Variants in ABCA12 observed in about 807,000 individuals in gnomAD.
The protein encoded by ABCA12 is glucosylceramide transporter ABCA12.
ABCA12 carries 156 observed loss-of-function variants against 293.5 expected under a neutral mutation model. The ratio of observed to expected loss-of-function variants is 0.53; its 90% CI spans 0.47 to 0.61. The LOEUF is 0.61. Ranked by LOEUF, ABCA12 falls within the 20% of genes least tolerant of loss-of-function variation. The pLI, the probability that ABCA12 is intolerant of heterozygous loss-of-function variation, is 0.00. For missense variants in ABCA12, 2,797 were observed against 3,090.2 expected (o/e 0.91, Z 2.25); for synonymous variants, 1,063 against 1,108.0 (o/e 0.96, Z 0.81).
intron 34 of ABCA12, 135 bp from the exon 35 acceptor site, chr2:214,974,999 G>A: frequency 1.3e-6 from 1 of 797,050 alleles, no homozygotes; most frequent in Non-Finnish European, 2.1e-6. Flanking sequence ...GTCTTGCCGT[G>A]TTGCCCAGGC....
chr2:214,987,196 G>T (rs1029455564), intron 27 of ABCA12, among the ~76,000 whole-genome samples: 3 of 152,168 alleles, frequency 2.0e-5, no homozygotes, highest in Non-Finnish European at 4.4e-5. Context: ...ACCGCTTAGT[G>T]GCCCGTACTC....
At chr2:215,075,284 G>A (rs931490367) in intron 2 of ABCA12, among the ~76,000 whole-genome samples, 1 of 152,110 alleles carries the variant, frequency 6.6e-6, no homozygotes, top group African/African-American at 2.4e-5. Flanking sequence ...AGAATACCAA[G>A]AAAGATAATG....
In ABCA12 at chr2:214,978,659, C is replaced by A; in HGVS notation, c.4977+145G>T. ...GGGCAACATTTTATTCTCAGTCTTA[C>A]ATAAGAATAGTACTGAAAAAATGTT... On this transcript the variant is annotated intron_variant, in intron 32 of 52. Coordinates refer to ENST00000272895, the MANE Select transcript of ABCA12 (RefSeq NM_173076.3). 3 of 1,066,812 alleles carry A rather than the reference C, an allele frequency of 2.8e-6. No homozygotes were observed. In the African/African-American group the frequency reaches 4.8e-5, roughly 17 times the overall value. 66.1% of individuals were successfully genotyped at this position (1,066,812 alleles called of 1,614,324 possible). A position where few individuals can be genotyped will look rare whatever the true frequency, so the allele number is the denominator to read the frequency against.
intron 1 of ABCA12, among the ~76,000 whole-genome samples, chr2:215,127,309 A>G (rs748119578): frequency 6.6e-6 from 1 of 152,272 alleles, no homozygotes; most frequent in African/African-American, 2.4e-5. Context: ...TGTTAAGTTC[A>G]TTTGTTCCAA....
chr2:215,035,391 C>T (rs1700970349), intron 8 of ABCA12, among the ~76,000 whole-genome samples: 1 of 152,042 alleles, frequency 6.6e-6, no homozygotes, highest in Non-Finnish European at 1.5e-5. Context: ...TGCCAAAAGC[C>T]AGACGTGGTG....
At chr2:215,076,770 AG>A (rs1280036380) in intron 2 of ABCA12, among the ~76,000 whole-genome samples, 1 of 152,246 alleles carries the variant, frequency 6.6e-6, no homozygotes, top group African/African-American at 2.4e-5. Flanking sequence ...TACATGGAGT[AG>A]ATGGGTCAAA....
At position 214,949,030 on chromosome 2, in the gene ABCA12, T is replaced by C; in HGVS notation, c.6962+10A>G. Reference sequence around the variant, plus strand: ...TGTACTCGCTAAATTGAAGCATTAGTTTTTCATACCCGGTCTTATTTCTGA... The same window carrying C: ...TGTACTCGCTAAATTGAAGCATTAGCTTTTCATACCCGGTCTTATTTCTGA... On this transcript the variant is annotated intron_variant, in intron 46 of 52. Coordinates refer to ENST00000272895, the MANE Select transcript of ABCA12 (RefSeq NM_173076.3). 1 of 1,604,882 alleles carries C rather than the reference T, an allele frequency of 6.2e-7. No individual in the cohort carries two copies. The highest frequency in any genetic ancestry group is 8.5e-7 in the Non-Finnish European group (1 of 1,171,652).
At chr2:215,038,621 G>A (rs1221588828) in intron 7 of ABCA12, among the ~76,000 whole-genome samples, 1 of 152,152 alleles carries the variant, frequency 6.6e-6, no homozygotes, top group South Asian at 2.1e-4. Context: ...TGGTTCTCAG[G>A]TGTTGGGTTA....
At chr2:215,055,804 T>C (rs1242316130) in intron 3 of ABCA12, among the ~76,000 whole-genome samples, 2 of 152,116 alleles carry the variant, frequency 1.3e-5, no homozygotes, top group Admixed American at 6.6e-5. Context: ...ATTCTTAATA[T>C]ATATTTGAAT....
chr2:215,004,313 A>G lies in ABCA12; in HGVS notation c.2593-14T>C. ...CCTTAGAGTATTCTAACAAATAATA[A>G]TTAAAAATCAGTTTCAATACAAGAA... On this transcript the variant is annotated splice_polypyrimidine_tract_variant and intron_variant, in intron 19 of 52. Transcript: ENST00000272895. 1 of 1,589,208 alleles carries G rather than the reference A, an allele frequency of 6.3e-7. No individual in the cohort carries two copies. Among genetic ancestry groups the G allele is most frequent in the Non-Finnish European group, 8.6e-7 (1 of 1,159,976 alleles).
At chr2:215,066,373 T>C (rs1443267756) in intron 2 of ABCA12, among the ~76,000 whole-genome samples, 7 of 151,938 alleles carry the variant, frequency 4.6e-5, no homozygotes, top group Non-Finnish European at 8.8e-5. Context: ...ATCAGCATGA[T>C]GGCGTGGCTG....
chr2:214,979,018 G>A lies in ABCA12; in HGVS notation c.4763C>T (p.Ala1588Val). 6.2e-7 allele frequency: 1 copy of A among 1,613,994 alleles called. No individual in the cohort carries two copies. Among genetic ancestry groups the A allele is most frequent in the Non-Finnish European group, 8.5e-7 (1 of 1,179,942 alleles). ...KKKSPNLNAN[A>V]VCDTMAVTAM... is the part of the protein sequence containing the mutation. ...TGTCACGGCCATGGTGTCACATACTGCATTTGCATTTAAATTTGGACTCTA... is the reference window on the plus strand; with the variant it reads ...TGTCACGGCCATGGTGTCACATACTACATTTGCATTTAAATTTGGACTCTA... The change falls in exon 32 of 53, where the codon GCA (alanine) becomes GTA (valine). Residue 1588 changes from alanine (A) to valine (V), a missense_variant. Physicochemically the swap from Ala to Val is moderately conservative, Grantham distance 64. This residue lies in a region of ABCA12 where 2,130 missense variants were observed against 2,427.0 expected (regional missense o/e 0.88). Coordinates refer to ENST00000272895, the MANE Select transcript of ABCA12 (RefSeq NM_173076.3).
At chr2:215,075,573 T>G (rs1479255046) in intron 2 of ABCA12, 1 of 697,630 alleles carries the variant, frequency 1.4e-6, no homozygotes, top group African/African-American at 1.8e-5. Flanking sequence ...AAAAAAAAAA[T>G]CTGGGCCATC....
chr2:215,050,951 C>T (rs1701309128), intron 5 of ABCA12: 3 of 359,166 alleles, frequency 8.4e-6, no homozygotes, highest in Non-Finnish European at 1.2e-5. Flanking sequence ...TGTATCCATA[C>T]ATAGAAATTT....
At chr2:214,996,758 C>T (rs745774445) in intron 23 of ABCA12, among the ~76,000 whole-genome samples, 1 of 152,186 alleles carries the variant, frequency 6.6e-6, no homozygotes, top group Non-Finnish European at 1.5e-5. Flanking sequence ...AAATATGTAG[C>T]AGCAACTTGT....
At chr2:214,973,527 G>A (rs191953413) in intron 36 of ABCA12, among the ~76,000 whole-genome samples, 2 of 152,152 alleles carry the variant, frequency 1.3e-5, no homozygotes, top group Admixed American at 1.3e-4. Flanking sequence ...AAGCCTGGAG[G>A]TGTTGCTTAG....
chr2:215,109,898 C>T (rs1359765571), intron 2 of ABCA12, among the ~76,000 whole-genome samples: 1 of 152,074 alleles, frequency 6.6e-6, no homozygotes, highest in Non-Finnish European at 1.5e-5. Flanking sequence ...TATTAAAATC[C>T]TCCCATCACT....
intron 23 of ABCA12, among the ~76,000 whole-genome samples, chr2:214,993,282 G>T (rs1383851291): frequency 6.6e-6 from 1 of 152,150 alleles, no homozygotes; most frequent in Non-Finnish European, 1.5e-5. Context: ...CTATGCTTCC[G>T]TGGGAATGGA....
At chr2:215,108,648 G>A (rs533745651) in intron 2 of ABCA12, among the ~76,000 whole-genome samples, 1 of 152,112 alleles carries the variant, frequency 6.6e-6, no homozygotes, top group South Asian at 2.1e-4. Context: ...ATGAATTATT[G>A]GCCAATTCTA....
Sources: allele counts gnomAD v4.1 joint callset (sites outside exome capture counted in the v4.1 genomes callset), GRCh38; gene constraint gnomAD v4.1.1; regional missense constraint gnomAD v4.1.1; transcripts MANE v1.5; gene names NCBI Gene and HGNC (gene_info 2026-07-23, HGNC 2026-07-21).